Variants in RANBP17 observed in about 807,000 individuals in gnomAD.
RANBP17 encodes the protein RAN binding protein 17.
A neutral mutation model predicts 141.2 loss-of-function variants in RANBP17; 158 were observed. That is an observed-to-expected ratio of 1.12 (90% CI 0.98 to 1.28). The LOEUF (loss-of-function observed/expected upper bound fraction) is 1.28. Ranked by LOEUF, RANBP17 falls within the 50% of genes most tolerant of loss-of-function variation. The probability of loss-of-function intolerance (pLI) is 0.00; values close to 1 mark genes in which losing one functional copy is unlikely to be tolerated. For missense variants in RANBP17, 1,438 were observed against 1,290.7 expected, an observed-to-expected ratio of 1.11 and a Z score of -1.75; for synonymous variants, 430 against 450.0, an observed-to-expected ratio of 0.96 and a Z score of 0.56.
At chr5:171,169,800 TG>T in intron 14 of RANBP17, among the ~76,000 whole-genome samples, 1 of 152,088 alleles carries the variant, frequency 6.6e-6, no homozygotes, top group Non-Finnish European at 1.5e-5. Context: ...TCCAGCCCTT[TG>T]CATACCTACT....
chr5:170,940,890 T>G (rs1469100818), intron 12 of RANBP17, among the ~76,000 whole-genome samples: 2 of 151,260 alleles, frequency 1.3e-5, no homozygotes, highest in Admixed American at 6.6e-5. Context: ...CTCAGTGTCA[T>G]AGAGACCACT....
At chr5:170,975,428 C>T (rs183047925) in intron 14 of RANBP17, among the ~76,000 whole-genome samples, 88 of 152,298 alleles carry the variant, frequency 5.8e-4, no homozygotes, top group Non-Finnish European at 4.0e-4. Flanking sequence ...ACTCTGGAGG[C>T]TGAGACAGAA....
At chr5:171,031,377 T>C (rs4242161) in intron 14 of RANBP17, among the ~76,000 whole-genome samples, 85,756 of 151,754 alleles carry the variant, frequency 0.57, 26,752 homozygotes, top group South Asian at 0.81. Flanking sequence ...CGGACTATTC[T>C]ATGTGTTGTT....
intron 12 of RANBP17, among the ~76,000 whole-genome samples, chr5:170,932,858 G>A (rs1285170522): frequency 6.6e-6 from 1 of 152,106 alleles, no homozygotes; most frequent in Non-Finnish European, 1.5e-5. Context: ...AGGGATGTTG[G>A]TCTAAAATTC....
intron 7 of RANBP17, 90 bp downstream of exon 7, chr5:170,911,224 A>G: frequency 1.7e-6 from 2 of 1,193,580 alleles, no homozygotes; most frequent in South Asian, 1.5e-5. Context: ...TCTTTTTGCC[A>G]GGAATTAAAA....
At position 171,002,135 on chromosome 5, in the gene RANBP17, G is replaced by A. The variant is rs558765642; in HGVS notation, c.1710+33758G>A. Among the ~76,000 whole-genome samples, 10 of 152,282 alleles carry A rather than the reference G, an allele frequency of 6.6e-5. No homozygotes were observed. The East Asian group carries it at 1.2e-3, about 18-fold the overall frequency. The stretch of plus-strand genomic sequence containing the variant: ...AAGGAAATGAGAGGTTCTAAGAGGC[G>A]GGCTAGTGGCTTGTAACCTACATGG... On this transcript the variant is annotated intron_variant, in intron 14 of 27. Coordinates refer to ENST00000523189, the MANE Select transcript of RANBP17 (RefSeq NM_022897.5).
At chr5:170,876,772 A>G (rs1768214467) in intron 1 of RANBP17, among the ~76,000 whole-genome samples, 1 of 152,144 alleles carries the variant, frequency 6.6e-6, no homozygotes, top group Non-Finnish European at 1.5e-5. Context: ...ATGAGAAGGT[A>G]TATGCACATG....
chr5:170,907,767 T>C (rs1771186890), intron 5 of RANBP17, among the ~76,000 whole-genome samples: 1 of 152,018 alleles, frequency 6.6e-6, no homozygotes, highest in African/African-American at 2.4e-5. Context: ...TATAATGCTG[T>C]TTGCTTTTAA....
chr5:171,240,436 G>A (rs550233125), intron 22 of RANBP17, among the ~76,000 whole-genome samples: 17 of 152,154 alleles, frequency 1.1e-4, no homozygotes, highest in African/African-American at 2.9e-4. Flanking sequence ...CATTGAATTC[G>A]TATACCAAAC....
intron 14 of RANBP17, among the ~76,000 whole-genome samples, chr5:170,983,657 A>C (rs1322755207): frequency 6.6e-6 from 1 of 152,218 alleles, no homozygotes; most frequent in African/African-American, 2.4e-5. Flanking sequence ...GGAGTATGTC[A>C]GAGGATGGCA....
At chr5:171,273,796 A>G (rs2128029303) in intron 25 of RANBP17, among the ~76,000 whole-genome samples, 1 of 152,226 alleles carries the variant, frequency 6.6e-6, no homozygotes, top group South Asian at 2.1e-4. Context: ...TGATATTTTT[A>G]TTTCCATCTG....
intron 22 of RANBP17, among the ~76,000 whole-genome samples, 183 bp from the exon 23 acceptor site, chr5:171,240,745 G>T (rs1018355066): frequency 6.6e-6 from 1 of 151,924 alleles, no homozygotes; most frequent in Non-Finnish European, 1.5e-5. Context: ...TGGGCCTTTT[G>T]TACTTCCAGG....
intron 24 of RANBP17, among the ~76,000 whole-genome samples, chr5:171,249,700 A>G (rs1765431306): frequency 1.3e-5 from 2 of 152,200 alleles, no homozygotes; most frequent in African/African-American, 4.8e-5. Flanking sequence ...GGACTTTTTC[A>G]AATAATCCAG....
intron 14 of RANBP17, among the ~76,000 whole-genome samples, chr5:171,156,086 T>G (rs913494447): frequency 6.6e-6 from 1 of 152,128 alleles, no homozygotes; most frequent in Non-Finnish European, 1.5e-5. Context: ...CTTATGGATA[T>G]GTGAAGATAA....
chr5:171,042,778 A>AG lies in RANBP17; in HGVS notation c.1710+74408dup, dbSNP rs530901268. Among the ~76,000 whole-genome samples, 685 of 152,146 alleles carry AG rather than the reference A, an allele frequency of 4.5e-3. 5 individuals are homozygous for AG. The highest frequency in any genetic ancestry group is 0.016 in the African/African-American group (657 of 41,534). ...TTTAATGATTGTAATAACCCACTCT[A>AG]GGGGGGGTCATCATCTTTTTGTCAG... On this transcript the variant is annotated intron_variant, in intron 14 of 27. Coordinates refer to ENST00000523189, the MANE Select transcript of RANBP17 (RefSeq NM_022897.5).
At chr5:171,234,954 A>T (rs1017723309) in intron 22 of RANBP17, among the ~76,000 whole-genome samples, 3 of 152,168 alleles carry the variant, frequency 2.0e-5, no homozygotes, top group African/African-American at 7.2e-5. Context: ...CACCTACTAC[A>T]ACTAGGGGTG....
chr5:170,975,623 G>T (rs978565660), intron 14 of RANBP17, among the ~76,000 whole-genome samples: 2 of 152,064 alleles, frequency 1.3e-5, no homozygotes, highest in African/African-American at 4.8e-5. Flanking sequence ...AATTCTTCTA[G>T]GTTCTTTGCC....
rs1755538753 is a variant in RANBP17, at chr5:171,115,289, A to G, written c.1711-54841A>G. On this transcript the variant is annotated intron_variant, in intron 14 of 27. Transcript: ENST00000523189. ...TTTGATATGAGTATAGTATATTAGCAAATTCTACTCCCATTATGAAATGGA... is the reference window on the plus strand; with the variant it reads ...TTTGATATGAGTATAGTATATTAGCGAATTCTACTCCCATTATGAAATGGA... Among the ~76,000 whole-genome samples the G allele has an allele frequency of 2.6e-5, 4 of 152,334 alleles. 1 individual carries two copies. In the South Asian group the frequency reaches 8.3e-4, roughly 32 times the overall value.
intron 14 of RANBP17, among the ~76,000 whole-genome samples, chr5:171,105,650 TGAA>T (rs1271379852): frequency 1.3e-5 from 2 of 151,670 alleles, no homozygotes; most frequent in Non-Finnish European, 2.9e-5. Context: ...CCCAGGAGTT[TGAA>T]GTTCCAGTGA....
Sources: allele counts gnomAD v4.1 joint callset (sites outside exome capture counted in the v4.1 genomes callset), GRCh38; gene constraint gnomAD v4.1.1; transcripts MANE v1.5; gene names NCBI Gene and HGNC (gene_info 2026-07-23, HGNC 2026-07-21).